SRPK2: variants seen among roughly 807,000 people sequenced by gnomAD.
The protein encoded by SRPK2 is SRSF protein kinase 2.
In SRPK2, 21 loss-of-function variants were observed where a neutral mutation model predicts 90.8. The observed-to-expected ratio is 0.23, with a 90% CI of 0.16 to 0.33. The LOEUF (loss-of-function observed/expected upper bound fraction) is 0.33. Ranked by LOEUF, SRPK2 falls within the 10% of genes least tolerant of loss-of-function variation. The pLI is 1.00. For missense variants in SRPK2, 620 were observed against 869.0 expected (o/e 0.71, Z 3.60); for synonymous variants, 288 against 311.1 (o/e 0.93, Z 0.78).
At chr7:105,123,556 A>G (rs1192007527) in intron 15 of SRPK2, among the ~76,000 whole-genome samples, 1 of 152,230 alleles carries the variant, frequency 6.6e-6, no homozygotes, top group African/African-American at 2.4e-5. Flanking sequence ...GGATATTTTT[A>G]AGATTCCATT....
intron 2 of SRPK2, among the ~76,000 whole-genome samples, chr7:105,225,755 T>C (rs1798631409): frequency 6.6e-6 from 1 of 151,812 alleles, no homozygotes; most frequent in Admixed American, 6.6e-5. Context: ...CCAAAATATC[T>C]TGTGCTTTTC....
intron 2 of SRPK2, among the ~76,000 whole-genome samples, chr7:105,240,492 A>G (rs1800665573): frequency 6.6e-6 from 1 of 152,200 alleles, no homozygotes; most frequent in Non-Finnish European, 1.5e-5. Context: ...ACTGAGTCCT[A>G]AGAATATAGA....
At chr7:105,150,690 T>C (rs1479145708) in intron 7 of SRPK2, among the ~76,000 whole-genome samples, 1 of 152,146 alleles carries the variant, frequency 6.6e-6, no homozygotes, top group Non-Finnish European at 1.5e-5. Context: ...CTGAATAATA[T>C]GTGGAGTTCT....
chr7:105,390,530 G>A (rs1368963525), upstream of SRPK2, among the ~76,000 whole-genome samples: 4 of 151,120 alleles, frequency 2.6e-5, no homozygotes, highest in East Asian at 7.8e-4. Context: ...CCGGGTCCAA[G>A]CCATTCTCCT....
At chr7:105,138,204 T>C (rs1336056310) in intron 11 of SRPK2, among the ~76,000 whole-genome samples, 1 of 152,224 alleles carries the variant, frequency 6.6e-6, no homozygotes, top group African/African-American at 2.4e-5. Flanking sequence ...GTTTGTTCGT[T>C]ATTCAATAAA....
chr7:105,325,632 A>C (rs1472517574), intron 2 of SRPK2, among the ~76,000 whole-genome samples: 1 of 149,456 alleles, frequency 6.7e-6, no homozygotes, highest in African/African-American at 2.5e-5. Flanking sequence ...CTTAGGCAGG[A>C]GGATCGCTCC....
intron 2 of SRPK2, among the ~76,000 whole-genome samples, chr7:105,318,375 G>A (rs370339053): frequency 6.6e-6 from 1 of 152,210 alleles, no homozygotes; most frequent in African/African-American, 2.4e-5. Flanking sequence ...GATGACAGGC[G>A]TGAGCCACTG....
At chr7:105,342,453 T>C (rs533925602) in intron 2 of SRPK2, among the ~76,000 whole-genome samples, 7 of 152,214 alleles carry the variant, frequency 4.6e-5, no homozygotes, top group Non-Finnish European at 7.4e-5. Context: ...AAATTACTGC[T>C]ATGTCAGAGA....
intron 2 of SRPK2, among the ~76,000 whole-genome samples, chr7:105,240,501 G>C (rs1054593985): frequency 9.9e-5 from 15 of 152,076 alleles, no homozygotes; most frequent in African/African-American, 3.4e-4. Flanking sequence ...TAAGAATATA[G>C]AAGAGGTATA....
At chr7:105,201,784 T>C (rs1795591560) in intron 3 of SRPK2, among the ~76,000 whole-genome samples, 1 of 151,922 alleles carries the variant, frequency 6.6e-6, no homozygotes, top group Non-Finnish European at 1.5e-5. Context: ...CTCAGGAGGC[T>C]GAGATGGGAG....
At chr7:105,132,940 A>C (rs1214184747) in intron 12 of SRPK2, 42 bp from the exon 13 acceptor site, 1 of 1,613,244 alleles carries the variant, frequency 6.2e-7, no homozygotes, top group South Asian at 1.1e-5. Context: ...CAACACAGAC[A>C]TTCAAAAAGT....
At chr7:105,174,477 C>A (rs1351858135) in intron 3 of SRPK2, among the ~76,000 whole-genome samples, 1 of 151,830 alleles carries the variant, frequency 6.6e-6, no homozygotes, top group Non-Finnish European at 1.5e-5. Context: ...TTTCTCAGCC[C>A]TCTGATTGTG....
At chr7:105,287,506 G>T (rs894119088) in intron 2 of SRPK2, among the ~76,000 whole-genome samples, 1 of 152,138 alleles carries the variant, frequency 6.6e-6, no homozygotes, top group African/African-American at 2.4e-5. Context: ...GGAGGCTGAG[G>T]AGGGGAGATC....
intron 2 of SRPK2, among the ~76,000 whole-genome samples, chr7:105,387,328 G>C (rs772695544): frequency 1.3e-5 from 2 of 152,110 alleles, no homozygotes; most frequent in Non-Finnish European, 2.9e-5. Flanking sequence ...GTTCACCAAA[G>C]GAAATCTCAA....
At chr7:105,149,155 T>C (rs186968034) in intron 7 of SRPK2, among the ~76,000 whole-genome samples, 36 of 152,262 alleles carry the variant, frequency 2.4e-4, no homozygotes, top group Middle Eastern at 3.4e-3. Flanking sequence ...GGAAGGCCAC[T>C]GTCTCCTGCC....
chr7:105,247,515 A>C (rs959261231), intron 2 of SRPK2, among the ~76,000 whole-genome samples: 3 of 92,580 alleles, frequency 3.2e-5, no homozygotes, highest in Admixed American at 2.3e-4. Context: ...CATACCAAAA[A>C]ACACACACAC....
chr7:105,275,947 ATAAT>A (rs772428936), intron 2 of SRPK2, among the ~76,000 whole-genome samples: 8 of 152,226 alleles, frequency 5.3e-5, no homozygotes, highest in Non-Finnish European at 1.0e-4. Flanking sequence ...TTCTACCTAA[ATAAT>A]TAGAGCTACA....
intron 2 of SRPK2, among the ~76,000 whole-genome samples, chr7:105,371,102 T>A (rs1385024771): frequency 6.6e-6 from 1 of 152,070 alleles, no homozygotes; most frequent in Non-Finnish European, 1.5e-5. Context: ...TCAAACAGTA[T>A]CCCTCAAAAA....
intron 2 of SRPK2, among the ~76,000 whole-genome samples, chr7:105,260,519 A>C (rs1039266844): frequency 1.3e-5 from 2 of 152,206 alleles, no homozygotes; most frequent in African/African-American, 4.8e-5. Context: ...TTGACCCAGC[A>C]ATCCCATTAC....
Sources: allele counts gnomAD v4.1 joint callset (sites outside exome capture counted in the v4.1 genomes callset), GRCh38; gene constraint gnomAD v4.1.1; transcripts MANE v1.5; gene names NCBI Gene and HGNC (gene_info 2026-07-23, HGNC 2026-07-21).